The following PITHD1 variants were observed in gnomAD, a reference collection of about 807,000 sequenced individuals.
PITHD1 encodes the protein PITH domain-containing protein 1.
A neutral mutation model predicts 27.5 loss-of-function variants in PITHD1; 8 were observed. That is an observed-to-expected ratio of 0.29 (90% CI 0.17 to 0.52). The LOEUF is 0.52. Among genes scored for constraint, PITHD1 ranks in the 20% least tolerant of loss-of-function variants. The pLI, the probability that PITHD1 is intolerant of heterozygous loss-of-function variation, is 0.96. For synonymous variants in PITHD1, 118 were observed against 106.8 expected, an observed-to-expected ratio of 1.10 and a Z score of -0.64; for missense variants, 233 against 283.9, an observed-to-expected ratio of 0.82 and a Z score of 1.29.
rs985459981 is a variant in PITHD1, at chr1:23,785,710, C to T, written c.356C>T (p.Thr119Ile). The change falls in exon 4 of 6, where the codon ACA becomes ATA. Residue 119 changes from threonine (T) to isoleucine (I), a missense_variant. Physicochemically the swap from Thr to Ile is moderately conservative, Grantham distance 89. Transcript: ENST00000246151. Reference sequence around the variant, plus strand: ...ATTCCACAGATGTCCTTTGATGATACAGAAAGGGAGCCAGATCAGACCTTT... The same window carrying T: ...ATTCCACAGATGTCCTTTGATGATATAGAAAGGGAGCCAGATCAGACCTTT... ...KNIPQMSFDDTEREPDQTFSL... is the reference protein window; with the variant it reads ...KNIPQMSFDDIEREPDQTFSL... 2 of 1,609,108 alleles carry T rather than the reference C, an allele frequency of 1.2e-6. No homozygotes were observed. Among genetic ancestry groups the T allele is most frequent in the African/African-American group, 2.7e-5 (2 of 74,814 alleles).
chr1:23,780,993 G>A (rs564108516), intron 3 of PITHD1, among the ~76,000 whole-genome samples: 33 of 152,038 alleles, frequency 2.2e-4, no homozygotes, highest in African/African-American at 8.0e-4. Context: ...TTCAAGACCA[G>A]CCTGACCAAG....
At chr1:23,779,028 A>G (rs939083116) in intron 1 of PITHD1, among the ~76,000 whole-genome samples, 15 of 152,108 alleles carry the variant, frequency 9.9e-5, no homozygotes, top group African/African-American at 3.6e-4. Context: ...GCCTCATCAT[A>G]TTACCTGGTG....
At chr1:23,779,773 C>T in intron 2 of PITHD1, 91 bp from the exon 3 acceptor site, 1 of 894,950 alleles carries the variant, frequency 1.1e-6, no homozygotes, top group Non-Finnish European at 1.9e-6. Flanking sequence ...TAAACTGAAG[C>T]CCATACAGGG....
chr1:23,779,825 A>G (rs1232037397), intron 2 of PITHD1, 39 bp from the exon 3 acceptor site: 2 of 1,516,300 alleles, frequency 1.3e-6, no homozygotes, highest in Admixed American at 1.7e-5. Context: ...CAGGTATTCA[A>G]ACTCAGGTTT....
In PITHD1 at chr1:23,787,465, G is replaced by A; in HGVS notation, c.*89G>A. The A allele has an allele frequency of 3.9e-6, 3 of 765,034 alleles. No individual in the cohort carries two copies. Among genetic ancestry groups the A allele is most frequent in the Non-Finnish European group, 6.7e-6 (3 of 446,114 alleles). 47.4% of individuals were successfully genotyped at this position (765,034 alleles called of 1,614,324 possible). A position where few individuals can be genotyped will look rare whatever the true frequency, so the allele number is the denominator to read the frequency against. ...GGACAAAGGGATGAGGCTCCAGAGAGAGTTGGCTGCCACAGCCTCTGCCAA... is the reference window on the plus strand; with the variant it reads ...GGACAAAGGGATGAGGCTCCAGAGAAAGTTGGCTGCCACAGCCTCTGCCAA... On this transcript the variant is annotated 3_prime_UTR_variant, in exon 6 of 6. Coordinates refer to ENST00000246151, the MANE Select transcript of PITHD1 (RefSeq NM_020362.5).
rs114840621 is a variant in PITHD1, at chr1:23,787,739, G to T, written c.*363G>T. On this transcript the variant is annotated 3_prime_UTR_variant, in exon 6 of 6. Transcript: ENST00000246151. Reference sequence around the variant, plus strand: ...GACTTGTTTTTTTGTTTTTGTTTTTGTTTTTTTAAAGGAAACTATTTGTGG... The same window carrying T: ...GACTTGTTTTTTTGTTTTTGTTTTTTTTTTTTTAAAGGAAACTATTTGTGG... 7.0e-3 allele frequency: 1,119 copies of T among 160,974 alleles called. 8 individuals are homozygous for T. The highest frequency in any genetic ancestry group is 0.025 in the African/African-American group (1,033 of 41,706). The allele number at this position is 160,974 out of a possible 1,614,324, so 10.0% of individuals were successfully genotyped here.
chr1:23,780,151 C>T (rs368294867), intron 3 of PITHD1, among the ~76,000 whole-genome samples: 3 of 152,186 alleles, frequency 2.0e-5, no homozygotes, highest in South Asian at 2.1e-4. Flanking sequence ...GGCCCAACAG[C>T]GTGTCTCATA....
Position 23,785,731 on chromosome 1 carries a change from C to G in PITHD1, c.377C>G (p.Thr126Ser), listed in dbSNP as rs943368160. The part of the protein sequence containing the change: ...FDDTEREPDQ[T>S]FSLNRDLTGE... ...GATACAGAAAGGGAGCCAGATCAGACCTTTAGTCTGAACCGGGATCTTACA... is the reference window on the plus strand; with the variant it reads ...GATACAGAAAGGGAGCCAGATCAGAGCTTTAGTCTGAACCGGGATCTTACA... The change falls in exon 4 of 6, where the codon ACC becomes AGC. Residue 126 changes from threonine to serine, a missense_variant. Thr to Ser is a moderately conservative substitution (Grantham distance 58, BLOSUM62 1). Coordinates refer to ENST00000246151, the MANE Select transcript of PITHD1 (RefSeq NM_020362.5). 57 of 1,610,484 alleles carry G rather than the reference C, an allele frequency of 3.5e-5. No homozygotes were observed. Among genetic ancestry groups the G allele is most frequent in the Non-Finnish European group, 4.6e-5 (54 of 1,176,826 alleles).
chr1:23,786,299 T>G lies in PITHD1; in HGVS notation c.426-16T>G, dbSNP rs1424046847. On this transcript the variant is annotated splice_polypyrimidine_tract_variant and intron_variant, in intron 4 of 5. Coordinates refer to ENST00000246151, the MANE Select transcript of PITHD1 (RefSeq NM_020362.5). ...TATAATTCATACCTTCTTTCCCTATTCCTGTCATCCTCTAGAATTTCTCGT... is the reference window on the plus strand; with the variant it reads ...TATAATTCATACCTTCTTTCCCTATGCCTGTCATCCTCTAGAATTTCTCGT... The G allele has an allele frequency of 1.7e-6, 2 of 1,160,262 alleles. No homozygotes were observed. The highest frequency in any genetic ancestry group is 2.6e-6 in the Non-Finnish European group (2 of 775,656). The allele number at this position is 1,160,262 out of a possible 1,614,324, so 71.9% of individuals were successfully genotyped here. A position where few individuals can be genotyped will look rare whatever the true frequency, so the allele number is the denominator to read the frequency against.
At chr1:23,784,327 G>A (rs373529201) in intron 3 of PITHD1, among the ~76,000 whole-genome samples, 4 of 128,848 alleles carry the variant, frequency 3.1e-5, no homozygotes, top group East Asian at 2.5e-4. Context: ...TCCAAGTTCC[G>A]CTTCCCAGGT....
At chr1:23,779,122 C>T (rs1483666022) in intron 1 of PITHD1, among the ~76,000 whole-genome samples, 1 of 152,176 alleles carries the variant, frequency 6.6e-6, no homozygotes, top group Non-Finnish European at 1.5e-5. Context: ...CCTTTGCTAT[C>T]TGTTTGAAAG....
chr1:23,778,919 A>G (rs1570608413), intron 1 of PITHD1, among the ~76,000 whole-genome samples: 1 of 152,228 alleles, frequency 6.6e-6, no homozygotes. Flanking sequence ...GGGAACGGGG[A>G]CAGTTTTGTC....
Position 23,787,428 on chromosome 1 carries a change from A to G in PITHD1, c.*52A>G, listed in dbSNP as rs756869977. On this transcript the variant is annotated 3_prime_UTR_variant, in exon 6 of 6. Coordinates refer to ENST00000246151, the MANE Select transcript of PITHD1 (RefSeq NM_020362.5). ...GCTGTGTCAGTGAAGATGTACGACTACCTGTTGGGAAGGACAAAGGGATGA... is the reference window on the plus strand; with the variant it reads ...GCTGTGTCAGTGAAGATGTACGACTGCCTGTTGGGAAGGACAAAGGGATGA... 8.8e-6 allele frequency: 9 copies of G among 1,026,482 alleles called. No individual in the cohort carries two copies. The highest frequency in any genetic ancestry group is 1.8e-5 in the Admixed American group (1 of 56,078). The allele number at this position is 1,026,482 out of a possible 1,614,324, so 63.6% of individuals were successfully genotyped here. A position where few individuals can be genotyped will look rare whatever the true frequency, so the allele number is the denominator to read the frequency against.
chr1:23,782,360 A>C (rs1303500772), intron 3 of PITHD1, among the ~76,000 whole-genome samples: 2 of 151,924 alleles, frequency 1.3e-5, no homozygotes, highest in Admixed American at 1.3e-4. Context: ...CGGAGGTTGC[A>C]GTGAGCCAAG....
chr1:23,787,125 A>G lies in PITHD1; in HGVS notation c.535-150A>G, dbSNP rs1638696998. The G allele has an allele frequency of 1.7e-5, 9 of 527,728 alleles. No homozygotes were observed. The East Asian group carries it at 2.9e-4, about 17-fold the overall frequency. 32.7% of individuals were successfully genotyped at this position (527,728 alleles called of 1,614,324 possible). On this transcript the variant is annotated intron_variant, in intron 5 of 5. Coordinates refer to ENST00000246151, the MANE Select transcript of PITHD1 (RefSeq NM_020362.5). ...TTAAAAAGTATCAAAATTGGGAGAT[A>G]TTAGATGATGACATCTAAGTATTAA...
intron 2 of PITHD1, 117 bp from the exon 3 acceptor site, chr1:23,779,747 C>T: frequency 2.6e-6 from 2 of 770,846 alleles, no homozygotes; most frequent in Non-Finnish European, 4.6e-6. Flanking sequence ...TTATCTAGTA[C>T]AAGTTGACAG....
chr1:23,785,536 T>TG, intron 3 of PITHD1, 139 bp from the exon 4 acceptor site: 1 of 521,690 alleles, frequency 1.9e-6, no homozygotes, highest in East Asian at 3.1e-5. Flanking sequence ...TTGTATAAAA[T>TG]GTCATTTCTA....
intron 3 of PITHD1, among the ~76,000 whole-genome samples, chr1:23,782,104 G>A (rs1412942576): frequency 6.7e-6 from 1 of 150,316 alleles, no homozygotes; most frequent in African/African-American, 2.4e-5. Flanking sequence ...GAACACAGAT[G>A]AGGTGTTACA....
chr1:23,781,091 G>A (rs958811702), intron 3 of PITHD1, among the ~76,000 whole-genome samples: 1 of 151,936 alleles, frequency 6.6e-6, no homozygotes, highest in African/African-American at 2.4e-5. Flanking sequence ...GGGAGGCTGA[G>A]GCAGGAGAAT....
Sources: allele counts gnomAD v4.1 joint callset (sites outside exome capture counted in the v4.1 genomes callset), GRCh38; gene constraint gnomAD v4.1.1; transcripts MANE v1.5; gene names NCBI Gene and HGNC (gene_info 2026-07-23, HGNC 2026-07-21).